The following NDE1 variants were observed in gnomAD, a reference collection of about 807,000 sequenced individuals.
The protein encoded by NDE1 is nuclear distribution protein nudE homolog 1.
In NDE1, 28 loss-of-function variants were observed where a neutral mutation model predicts 43.4. That is an observed-to-expected ratio of 0.65 (90% CI 0.48 to 0.89). The LOEUF is 0.89. Among genes scored for constraint, NDE1 ranks in the 40% least tolerant of loss-of-function variants. The probability of loss-of-function intolerance (pLI) is 0.00; values close to 1 mark genes in which losing one functional copy is unlikely to be tolerated. For missense variants in NDE1, 441 were observed against 434.1 expected (o/e 1.02, Z -0.14); for synonymous variants, 184 against 172.0 (o/e 1.07, Z -0.55).
At chr16:15,704,274 C>T (rs958193678) in intron 8 of NDE1, 3 of 840,732 alleles carry the variant, frequency 3.6e-6, no homozygotes, top group East Asian at 2.7e-5. Flanking sequence ...AAATAAGATG[C>T]AGATATTCAA....
At chr16:15,652,281 C>T (rs2036541722) in intron 1 of NDE1, among the ~76,000 whole-genome samples, 1 of 152,150 alleles carries the variant, frequency 6.6e-6, no homozygotes, top group Non-Finnish European at 1.5e-5. Flanking sequence ...CTCAAGCAGT[C>T]CTCCTGCCTT....
intron 3 of NDE1, among the ~76,000 whole-genome samples, chr16:15,668,802 A>C (rs1438406491): frequency 1.3e-5 from 2 of 152,222 alleles, no homozygotes; most frequent in Non-Finnish European, 2.9e-5. Context: ...GCACTCTGCC[A>C]GTTCAGAGCA....
intron 8 of NDE1, chr16:15,704,255 A>C (rs2039333194): frequency 1.0e-6 from 1 of 969,848 alleles, no homozygotes; most frequent in African/African-American, 1.7e-5. Context: ...CAGAAAACAC[A>C]CACGGCACAA....
intron 8 of NDE1, 161 bp downstream of exon 8, chr16:15,697,021 T>C: frequency 6.5e-7 from 1 of 1,529,788 alleles, no homozygotes; most frequent in Non-Finnish European, 8.7e-7. Context: ...CATTAGGTGG[T>C]GTCTTGTGGC....
chr16:15,723,369 G>A (rs1428053497), intron 8 of NDE1, among the ~76,000 whole-genome samples: 2 of 152,240 alleles, frequency 1.3e-5, no homozygotes, highest in East Asian at 1.9e-4. Flanking sequence ...TATGTGGGCC[G>A]GGCATAGTGG....
Position 15,687,436 on chromosome 16 carries a change from G to A in NDE1, c.448G>A (p.Ala150Thr). The change falls in exon 5 of 9, where the codon GCC (alanine) becomes ACC (threonine). Residue 150 changes from alanine to threonine, a missense_variant. By Grantham distance (58) the Ala-to-Thr change is moderately conservative. Transcript: ENST00000396354. ...QRLNQAIERNAFLESELDEKE... is the reference protein window; with the variant it reads ...QRLNQAIERNTFLESELDEKE... ...CTTGAATCAGGCCATCGAAAGAAAT[G>A]CCTTCCTGGAAAGTGAACTTGATGA... 1 of 1,614,192 alleles carries A rather than the reference G, an allele frequency of 6.2e-7. No individual in the cohort carries two copies. Among genetic ancestry groups the A allele is most frequent in the Non-Finnish European group, 8.5e-7 (1 of 1,180,036 alleles).
Position 15,708,122 on chromosome 16 carries a change from T to G in NDE1, c.947+11262T>G, listed in dbSNP as rs1596673157. On this transcript the variant is annotated intron_variant, in intron 8 of 8. Coordinates refer to ENST00000396354, the MANE Select transcript of NDE1 (RefSeq NM_017668.3). ...TCCAGAAAAGGCTCTGCCAGGACTG[T>G]GCTTGGCTTTGCGGTGGTCAGCTTC... Among the ~76,000 whole-genome samples, 5 of 152,236 alleles carry G rather than the reference T, an allele frequency of 3.3e-5. No individual in the cohort carries two copies. The South Asian group carries it at 8.3e-4, about 25-fold the overall frequency.
chr16:15,718,563 AAGATT>A, intron 8 of NDE1: 1 of 1,359,204 alleles, frequency 7.4e-7, no homozygotes, highest in Non-Finnish European at 9.9e-7. Context: ...AGGCTTGGAG[AAGATT>A]AGAAGACTCA....
At chr16:15,699,584 C>T (rs918298644) in intron 8 of NDE1, 58 of 1,201,068 alleles carry the variant, frequency 4.8e-5, no homozygotes, top group African/African-American at 1.3e-4. Flanking sequence ...GTGTCCTCTT[C>T]TTCATTTCAC....
At chr16:15,712,921 A>C in intron 8 of NDE1, 1 of 99,736 alleles carries the variant, frequency 1.0e-5, no homozygotes, top group African/African-American at 4.2e-5. Flanking sequence ...TCTGTCACCC[A>C]GGCTGGACTG....
At chr16:15,697,768 A>T (rs2039078955) in intron 8 of NDE1, among the ~76,000 whole-genome samples, 1 of 151,990 alleles carries the variant, frequency 6.6e-6, no homozygotes, top group Non-Finnish European at 1.5e-5. Flanking sequence ...GGAATTGAGC[A>T]TCAGTCATGG....
intron 1 of NDE1, among the ~76,000 whole-genome samples, chr16:15,657,743 G>A (rs542810377): frequency 1.2e-4 from 18 of 152,026 alleles, no homozygotes; most frequent in East Asian, 1.9e-4. Flanking sequence ...CTACAGGCAC[G>A]CACCGCCGTG....
At chr16:15,706,717 A>C (rs1393126141) in intron 8 of NDE1, among the ~76,000 whole-genome samples, 1 of 151,930 alleles carries the variant, frequency 6.6e-6, no homozygotes, top group Non-Finnish European at 1.5e-5. Flanking sequence ...AAAAAAAACA[A>C]AAAAAAATCT....
chr16:15,649,908 T>G (rs2036411345), upstream of NDE1, among the ~76,000 whole-genome samples: 1 of 152,188 alleles, frequency 6.6e-6, no homozygotes, highest in South Asian at 2.1e-4. Flanking sequence ...GCAATCGAAG[T>G]GAAGGAGAGG....
At position 15,687,520 on chromosome 16, in the gene NDE1, G is replaced by A; in HGVS notation, c.523+9G>A. On this transcript the variant is annotated intron_variant, in intron 5 of 8. Coordinates refer to ENST00000396354, the MANE Select transcript of NDE1 (RefSeq NM_017668.3). ...GAAGGATGAAGCCAGAGGTCAGGAG[G>A]CCTTGGTGTCTTCACCAGCATGGTC... The A allele has an allele frequency of 3.7e-6, 6 of 1,611,424 alleles. No homozygotes were observed. The South Asian group carries it at 6.6e-5, about 18-fold the overall frequency.
intron 1 of NDE1, among the ~76,000 whole-genome samples, chr16:15,659,849 A>G (rs982069572): frequency 4.0e-5 from 6 of 151,024 alleles, no homozygotes; most frequent in African/African-American, 1.5e-4. Flanking sequence ...CCTGGGTTCA[A>G]GCAATTCTCC....
intron 6 of NDE1, among the ~76,000 whole-genome samples, chr16:15,693,638 TA>T (rs975210238): frequency 1.3e-5 from 2 of 150,414 alleles, no homozygotes; most frequent in Admixed American, 6.7e-5. Flanking sequence ...CTGTCTCTAT[TA>T]AAAAAAAAAT....
intron 8 of NDE1, chr16:15,718,948 T>TGAAACCCCACCTCTACTAA (rs1390149977): frequency 4.3e-6 from 2 of 465,424 alleles, no homozygotes; most frequent in African/African-American, 2.0e-5. Flanking sequence ...GCCAACATGG[T>TGAAACCCCACCTCTACTAA]GAAACCCCAC....
chr16:15,716,591 G>A (rs1463482735), intron 8 of NDE1, among the ~76,000 whole-genome samples: 1 of 151,994 alleles, frequency 6.6e-6, no homozygotes, highest in Non-Finnish European at 1.5e-5. Context: ...GCACAATCTC[G>A]GCTCACTGCA....
Sources: allele counts gnomAD v4.1 joint callset (sites outside exome capture counted in the v4.1 genomes callset), GRCh38; gene constraint gnomAD v4.1.1; transcripts MANE v1.5; gene names NCBI Gene and HGNC (gene_info 2026-07-23, HGNC 2026-07-21).